The following PIGN variants were observed in gnomAD, a reference collection of about 807,000 sequenced individuals.
PIGN encodes the protein phosphatidylinositol glycan anchor biosynthesis class N, also known as GPI ethanolamine phosphate transferase 1.
In PIGN, 117 loss-of-function variants were observed where a neutral mutation model predicts 125.4. The ratio of observed to expected loss-of-function variants is 0.93; its 90% CI spans 0.80 to 1.09. The LOEUF (loss-of-function observed/expected upper bound fraction) is 1.09. PIGN is among the 50% of genes least tolerant of loss of function. The pLI is 0.00. For missense variants in PIGN, 1,075 were observed against 1,094.9 expected (o/e 0.98, Z 0.26); for synonymous variants, 392 against 377.8 (o/e 1.04, Z -0.44).
intron 1 of PIGN, among the ~76,000 whole-genome samples, chr18:62,168,833 C>G (rs957180991): frequency 6.6e-6 from 1 of 151,060 alleles, no homozygotes; most frequent in Admixed American, 6.6e-5. Flanking sequence ...AACATTACCC[C>G]ATTTCCTAGA....
intron 14 of PIGN, among the ~76,000 whole-genome samples, chr18:62,115,454 T>C (rs1019837140): frequency 2.6e-5 from 4 of 152,186 alleles, no homozygotes; most frequent in African/African-American, 7.2e-5. Context: ...ATTTTAAAAA[T>C]GCATGCAAAG....
At chr18:62,082,953 G>C (rs1426350917) in intron 27 of PIGN, among the ~76,000 whole-genome samples, 1 of 151,994 alleles carries the variant, frequency 6.6e-6, no homozygotes, top group Non-Finnish European at 1.5e-5. Flanking sequence ...ACATTAATAA[G>C]CTATACGATG....
chr18:62,127,891 G>A lies in PIGN; in HGVS notation c.1172+10352C>T, dbSNP rs116253462. On this transcript the variant is annotated intron_variant, in intron 14 of 30. Transcript: ENST00000640252. ...GGCCATAATAAACATACATAATAGC[G>A]GAAGGAGAAGATAGGACTGATGATG... 1.3e-3 allele frequency among the ~76,000 whole-genome samples: 197 copies of A among 151,976 alleles called. 1 individual carries two copies. The highest frequency in any genetic ancestry group is 3.5e-3 in the African/African-American group (145 of 41,446).
intron 22 of PIGN, among the ~76,000 whole-genome samples, chr18:62,100,200 C>A (rs1015927329): frequency 2.6e-5 from 4 of 152,220 alleles, no homozygotes; most frequent in East Asian, 1.9e-4. Flanking sequence ...AAATGGCCAA[C>A]AGGTATATGA....
At chr18:62,114,675 C>G in intron 14 of PIGN, 36 bp from the exon 15 acceptor site, 1 of 1,009,166 alleles carries the variant, frequency 9.9e-7, no homozygotes, top group South Asian at 1.6e-5. Flanking sequence ...TAAAGGGTTT[C>G]CTCATTCCAA....
intron 23 of PIGN, among the ~76,000 whole-genome samples, chr18:62,020,281 T>TA (rs1440266483): frequency 6.6e-6 from 1 of 152,142 alleles, no homozygotes; most frequent in African/African-American, 2.4e-5. Flanking sequence ...AGATGATCTG[T>TA]AAGGAAACGA....
rs562854642 is a variant in PIGN, at chr18:62,163,575, G to C, written c.-154C>G. The C allele has an allele frequency of 1.8e-4, 28 of 152,176 alleles. No individual in the cohort carries two copies. In the South Asian group the frequency reaches 4.8e-3, roughly 26 times the overall value. The allele number at this position is 152,176 out of a possible 1,614,324, so 9.4% of individuals were successfully genotyped here. On this transcript the variant is annotated 5_prime_UTR_variant, in exon 2 of 31. Transcript: ENST00000640252. ...CTGTTCAAAAAGATTTAGCTTTTAA[G>C]GAACATCTATGTTCAAAATTATAGG...
chr18:62,127,686 GTT>G (rs34748456), intron 14 of PIGN, among the ~76,000 whole-genome samples: 81 of 150,950 alleles, frequency 5.4e-4, no homozygotes, highest in Non-Finnish European at 1.0e-3. Context: ...TTTTTTGTGT[GTT>G]TTTTTTTTGT....
chr18:62,104,350 T>C (rs2034558104), intron 20 of PIGN, among the ~76,000 whole-genome samples: 1 of 152,188 alleles, frequency 6.6e-6, no homozygotes, highest in Non-Finnish European at 1.5e-5. Context: ...GCAATACTGC[T>C]TGAGCAGGAC....
rs2030383809 is a variant in PIGN at position 62,041,648 on chromosome 18, TGTGTGTGTG to T, written c.*4199_*4207del. 3 of 110,710 alleles carry T rather than the reference TGTGTGTGTG, an allele frequency of 2.7e-5. No individual in the cohort carries two copies. Among genetic ancestry groups the T allele is most frequent in the African/African-American group, 1.0e-4 (3 of 29,590 alleles). 6.9% of individuals were successfully genotyped at this position (110,710 alleles called of 1,614,324 possible). A position where few individuals can be genotyped will look rare whatever the true frequency, so the allele number is the denominator to read the frequency against. ...AGCCTACCACCCCGCCGGGTGTGTG[TGTGTGTGTG>T]TGTGTGTGTGTGTGTGTGTGTGTGT... On this transcript the variant is annotated 3_prime_UTR_variant, in exon 31 of 31. Transcript: ENST00000640252.
At chr18:62,138,199 A>G (rs1485140009) in intron 14 of PIGN, 44 bp downstream of exon 14, 1 of 1,537,448 alleles carries the variant, frequency 6.5e-7, no homozygotes, top group African/African-American at 1.4e-5. Flanking sequence ...AACTCAGTGG[A>G]AAATTCTTTC....
intron 2 of PIGN, among the ~76,000 whole-genome samples, 166 bp downstream of exon 2, chr18:62,163,365 T>G (rs2037021954): frequency 6.6e-6 from 1 of 152,198 alleles, no homozygotes; most frequent in Admixed American, 6.5e-5. Flanking sequence ...AAGCTCATAT[T>G]TGCATGGTGT....
downstream of PIGN, among the ~76,000 whole-genome samples, chr18:62,037,244 G>A (rs76926166): frequency 2.2e-4 from 33 of 152,280 alleles, no homozygotes; most frequent in East Asian, 3.1e-3. Flanking sequence ...AAAAGTTTTC[G>A]CTTTAGACTT....
At chr18:62,141,377 C>A (rs1256309195) in intron 11 of PIGN, among the ~76,000 whole-genome samples, 1 of 152,232 alleles carries the variant, frequency 6.6e-6, no homozygotes, top group East Asian at 1.9e-4. Context: ...TTGTTGCTGG[C>A]ATTACTAGGC....
intron 26 of PIGN, among the ~76,000 whole-genome samples, 197 bp downstream of exon 26, chr18:62,085,012 G>A (rs2033630517): frequency 6.6e-6 from 1 of 152,072 alleles, no homozygotes; most frequent in Admixed American, 6.6e-5. Flanking sequence ...GGAGGCTGAG[G>A]CATGAGAATC....
At chr18:62,114,724 A>G (rs1370204042) in intron 14 of PIGN, 85 bp from the exon 15 acceptor site, 2 of 592,284 alleles carry the variant, frequency 3.4e-6, no homozygotes, top group Non-Finnish European at 5.4e-6. Context: ...AAAAACAAAG[A>G]TAGTGAAAAT....
intron 1 of PIGN, among the ~76,000 whole-genome samples, chr18:62,169,396 A>G (rs2037268304): frequency 6.6e-6 from 1 of 152,222 alleles, no homozygotes; most frequent in Non-Finnish European, 1.5e-5. Flanking sequence ...GCTATTTCAA[A>G]TAAAGCTGCT....
intron 10 of PIGN, among the ~76,000 whole-genome samples, chr18:62,145,333 C>T (rs1338616794): frequency 1.3e-5 from 2 of 152,142 alleles, no homozygotes; most frequent in African/African-American, 4.8e-5. Context: ...TCTCCATTAG[C>T]ACTTACAAAT....
At chr18:62,085,589 A>T (rs962719168) in intron 25 of PIGN, among the ~76,000 whole-genome samples, 4 of 152,122 alleles carry the variant, frequency 2.6e-5, no homozygotes, top group Non-Finnish European at 5.9e-5. Flanking sequence ...AAAAACATGG[A>T]TCTAGTGTGT....
Sources: gnomAD v4.1 joint callset for allele counts (sites outside exome capture counted in the v4.1 genomes callset) on GRCh38, gnomAD v4.1.1 for gene constraint, MANE v1.5 for transcripts, NCBI Gene and HGNC (gene_info 2026-07-23, HGNC 2026-07-21) for gene names.